Variants in DDX31 observed in about 807,000 individuals in gnomAD.
DDX31 encodes the protein ATP-dependent DNA helicase DDX31.
In DDX31, 70 loss-of-function variants were observed where a neutral mutation model predicts 91.3. The observed-to-expected ratio is 0.77, with a 90% CI of 0.63 to 0.94. The LOEUF is 0.94. Ranked by LOEUF, DDX31 falls within the 40% of genes least tolerant of loss-of-function variation. DDX31 has a pLI of 0.00. For synonymous variants in DDX31, 362 were observed against 350.6 expected, an observed-to-expected ratio of 1.03 and a Z score of -0.36; for missense variants, 902 against 925.0, an observed-to-expected ratio of 0.98 and a Z score of 0.32.
chr9:132,605,056 C>G (rs1830934334), intron 19 of DDX31, among the ~76,000 whole-genome samples: 1 of 152,210 alleles, frequency 6.6e-6, no homozygotes, highest in Non-Finnish European at 1.5e-5. Flanking sequence ...TGACAAGCAG[C>G]CCCTAGAGTT....
chr9:132,619,482 A>G (rs1305816557), intron 17 of DDX31, among the ~76,000 whole-genome samples: 1 of 152,020 alleles, frequency 6.6e-6, no homozygotes, highest in African/African-American at 2.4e-5. Context: ...CCTCACTAAG[A>G]CTCCCTGAGC....
chr9:132,639,556 C>T (rs950154870), intron 14 of DDX31, among the ~76,000 whole-genome samples: 2 of 152,194 alleles, frequency 1.3e-5, no homozygotes, highest in Non-Finnish European at 2.9e-5. Context: ...GCTGATACCA[C>T]GTGCCTGCAG....
At chr9:132,650,423 G>C (rs997740511) in intron 8 of DDX31, 125 bp from the exon 9 acceptor site, 1 of 866,448 alleles carries the variant, frequency 1.2e-6, no homozygotes, top group Non-Finnish European at 1.9e-6. Context: ...TGTATAAGGT[G>C]TTATTGTGCA....
intron 14 of DDX31, among the ~76,000 whole-genome samples, chr9:132,638,754 C>T (rs904879174): frequency 6.6e-6 from 1 of 152,150 alleles, no homozygotes; most frequent in Non-Finnish European, 1.5e-5. Flanking sequence ...ATGAAACACA[C>T]ACATGCACCC....
At chr9:132,623,067 T>C (rs1590009978) in intron 17 of DDX31, among the ~76,000 whole-genome samples, 1 of 150,390 alleles carries the variant, frequency 6.6e-6, no homozygotes, top group Non-Finnish European at 1.5e-5. Flanking sequence ...GAGGCAGAGG[T>C]TGCAATAAGC....
intron 19 of DDX31, among the ~76,000 whole-genome samples, chr9:132,596,731 G>A (rs1441741196): frequency 4.6e-5 from 7 of 152,206 alleles, no homozygotes; most frequent in Non-Finnish European, 8.8e-5. Flanking sequence ...GGTCAGCGGG[G>A]GCAGGACTCA....
chr9:132,600,592 G>A (rs1382741451), intron 19 of DDX31, among the ~76,000 whole-genome samples: 1 of 152,170 alleles, frequency 6.6e-6, no homozygotes, highest in African/African-American at 2.4e-5. Context: ...CCATGCACAT[G>A]ATGGGAAAGA....
intron 1 of DDX31, chr9:132,663,398 C>A: frequency 1.0e-6 from 1 of 985,372 alleles, no homozygotes; most frequent in Non-Finnish European, 1.2e-6. Context: ...GTCTCTGAGT[C>A]CCCGAGTCTC....
At chr9:132,657,637 T>C (rs1175851534) in intron 6 of DDX31, among the ~76,000 whole-genome samples, 2 of 152,260 alleles carry the variant, frequency 1.3e-5, no homozygotes, top group Non-Finnish European at 1.5e-5. Context: ...TAATTCTGCA[T>C]ATCCAAACTG....
At chr9:132,645,259 G>A (rs1833752177) in intron 13 of DDX31, among the ~76,000 whole-genome samples, 1 of 152,152 alleles carries the variant, frequency 6.6e-6, no homozygotes. Flanking sequence ...TAAGAGTGGA[G>A]GAATGCGACT....
intron 14 of DDX31, among the ~76,000 whole-genome samples, chr9:132,635,847 G>C (rs560478717): frequency 3.7e-4 from 57 of 152,024 alleles, no homozygotes; most frequent in African/African-American, 1.2e-3. Context: ...CGGAGACAGA[G>C]GCAGGAAAAC....
intron 14 of DDX31, chr9:132,637,714 G>A (rs1208063039): frequency 1.6e-5 from 9 of 548,588 alleles, no homozygotes; most frequent in East Asian, 2.9e-4. Context: ...TGTCAGAGGC[G>A]AGAGATCTTG....
intron 6 of DDX31, among the ~76,000 whole-genome samples, chr9:132,656,131 G>A (rs965733639): frequency 6.6e-6 from 1 of 152,156 alleles, no homozygotes; most frequent in Non-Finnish European, 1.5e-5. Flanking sequence ...AATAACTGAA[G>A]AGTGTGAACA....
intron 19 of DDX31, among the ~76,000 whole-genome samples, chr9:132,611,829 T>G (rs1156715730): frequency 6.6e-6 from 1 of 151,918 alleles, no homozygotes; most frequent in Admixed American, 6.6e-5. Context: ...CTCGGATGCT[T>G]TCCAGGGCGG....
intron 19 of DDX31, among the ~76,000 whole-genome samples, chr9:132,599,413 T>C (rs1830609407): frequency 6.6e-6 from 1 of 152,202 alleles, no homozygotes; most frequent in Non-Finnish European, 1.5e-5. Flanking sequence ...TATACATAAA[T>C]CTGTATGCCT....
chr9:132,609,022 T>A (rs1831179120), intron 19 of DDX31, among the ~76,000 whole-genome samples: 1 of 152,144 alleles, frequency 6.6e-6, no homozygotes, highest in South Asian at 2.1e-4. Flanking sequence ...AACTACTGTA[T>A]CCTCGAGTGC....
chr9:132,605,427 C>T (rs1028903135), intron 19 of DDX31, among the ~76,000 whole-genome samples: 1 of 152,148 alleles, frequency 6.6e-6, no homozygotes, highest in Non-Finnish European at 1.5e-5. Context: ...TTTGGGTGCT[C>T]AAAAAACCTG....
chr9:132,603,516 A>G (rs1830837909), intron 19 of DDX31, among the ~76,000 whole-genome samples: 1 of 152,098 alleles, frequency 6.6e-6, no homozygotes, highest in East Asian at 1.9e-4. Flanking sequence ...GGATGACTAA[A>G]ACTATCCTGC....
At chr9:132,667,991 C>G (rs905566283) in intron 1 of DDX31, among the ~76,000 whole-genome samples, 4 of 152,170 alleles carry the variant, frequency 2.6e-5, no homozygotes, top group Non-Finnish European at 5.9e-5. Flanking sequence ...GATTAAGTGA[C>G]TTGCTCCAAG....
Sources: allele counts gnomAD v4.1 joint callset (sites outside exome capture counted in the v4.1 genomes callset), GRCh38; gene constraint gnomAD v4.1.1; transcripts MANE v1.5; gene names NCBI Gene and HGNC (gene_info 2026-07-23, HGNC 2026-07-21).